LRRC40: variants seen among roughly 807,000 people sequenced by gnomAD.
LRRC40 encodes the protein leucine-rich repeat-containing protein 40.
A neutral mutation model predicts 72.8 loss-of-function variants in LRRC40; 76 were observed. That is an observed-to-expected ratio of 1.04 (90% CI 0.87 to 1.26). The LOEUF (loss-of-function observed/expected upper bound fraction) is 1.26. Ranked by LOEUF, LRRC40 falls within the 50% of genes most tolerant of loss-of-function variation. The probability of loss-of-function intolerance (pLI) is 0.00; values close to 1 mark genes in which losing one functional copy is unlikely to be tolerated. For missense variants in LRRC40, 684 were observed against 698.9 expected (o/e 0.98, Z 0.24); for synonymous variants, 243 against 254.2 (o/e 0.96, Z 0.42).
At chr1:70,199,931 T>C (rs1025057819) in intron 1 of LRRC40, among the ~76,000 whole-genome samples, 2 of 152,236 alleles carry the variant, frequency 1.3e-5, no homozygotes, top group East Asian at 3.9e-4. Context: ...CCTCAAGACT[T>C]ACTCTACCCA....
chr1:70,160,815 A>G (rs998064704), intron 9 of LRRC40, among the ~76,000 whole-genome samples: 1 of 152,048 alleles, frequency 6.6e-6, no homozygotes. Context: ...TTTTTTAACC[A>G]TGTGCATTTA....
chr1:70,185,216 T>A (rs1324254762), intron 3 of LRRC40, among the ~76,000 whole-genome samples: 2 of 152,234 alleles, frequency 1.3e-5, no homozygotes, highest in Non-Finnish European at 2.9e-5. Context: ...ACATGCAATG[T>A]GATAGGACAT....
At chr1:70,160,064 C>A (rs1667723570) in intron 9 of LRRC40, among the ~76,000 whole-genome samples, 1 of 152,120 alleles carries the variant, frequency 6.6e-6, no homozygotes, top group Non-Finnish European at 1.5e-5. Flanking sequence ...TTAACACTGT[C>A]ATCATATGGT....
At chr1:70,151,987 AC>A (rs1179155027) in intron 12 of LRRC40, 1 of 152,696 alleles carries the variant, frequency 6.5e-6, no homozygotes, top group Non-Finnish European at 1.5e-5. Context: ...GTAAAGTCAT[AC>A]TTTCTACAGT....
chr1:70,145,839 A>T lies in LRRC40; in HGVS notation c.1770T>A (p.Ala590=), dbSNP rs1571421795. 1.9e-6 allele frequency: 3 copies of T among 1,610,374 alleles called. No individual in the cohort carries two copies. The African/African-American group carries it at 4.0e-5, about 21-fold the overall frequency. The change falls in exon 15 of 15, where the codon GCT becomes GCA. Residue 590 remains alanine (A), a synonymous_variant. Transcript: ENST00000370952. ...PRAAILMKGT[A]AILEYLRDRI... is the part of the protein sequence containing the mutation. ...GGTCTCTCAAATATTCAAGTATAGC[A>T]GCTGTTCCTTTCATTAATATGGCTG...
At chr1:70,195,882 T>C (rs59234513) in intron 1 of LRRC40, among the ~76,000 whole-genome samples, 16,225 of 152,172 alleles carry the variant, frequency 0.11, 1,010 homozygotes, top group East Asian at 0.3. Flanking sequence ...GTGATCCACC[T>C]GCCTCGGCCT....
chr1:70,180,057 A>G (rs532883231), intron 5 of LRRC40: 21 of 149,814 alleles, frequency 1.4e-4, no homozygotes, highest in African/African-American at 3.7e-4. Flanking sequence ...AAATGATCAG[A>G]AAAAAAAAAG....
intron 14 of LRRC40, among the ~76,000 whole-genome samples, chr1:70,147,387 C>T (rs1249096450): frequency 1.3e-5 from 2 of 151,790 alleles, no homozygotes; most frequent in African/African-American, 2.4e-5. Context: ...ATGTGGATTA[C>T]GAAAAAAATA....
At chr1:70,204,528 G>A (rs1052873853) in intron 1 of LRRC40, among the ~76,000 whole-genome samples, 5 of 152,076 alleles carry the variant, frequency 3.3e-5, no homozygotes, top group African/African-American at 4.8e-5. Context: ...ACTCTTTTAG[G>A]TGGAGTAAGG....
At chr1:70,183,184 T>C in intron 4 of LRRC40, among the ~76,000 whole-genome samples, 1 of 152,196 alleles carries the variant, frequency 6.6e-6, no homozygotes, top group East Asian at 1.9e-4. Flanking sequence ...AAGGAGGATG[T>C]ACACACAGCA....
Position 70,205,373 on chromosome 1 carries a change from G to T in LRRC40, c.151+17C>A. On this transcript the variant is annotated intron_variant, in intron 1 of 14. Coordinates refer to ENST00000370952, the MANE Select transcript of LRRC40 (RefSeq NM_017768.5). The stretch of plus-strand genomic sequence containing the variant: ...TTCTGACAGGAGACACAATAGGGTC[G>T]TACCTCTGGGTCTTACCTTCACTGA... The T allele has an allele frequency of 6.4e-7, 1 of 1,563,494 alleles. No individual in the cohort carries two copies. Among genetic ancestry groups the T allele is most frequent in the Non-Finnish European group, 8.7e-7 (1 of 1,143,108 alleles).
In LRRC40 at chr1:70,187,288, T is replaced by G. The variant is rs1392127685; in HGVS notation, c.384A>C (p.Glu128Asp). ...ACCTGACATTAAGTTTCTGAAGATT[T>G]TCTAGCTCTCTTATAGCAGAAGGAA... Reference protein sequence around the residue: ...TSLPSAIRELENLQKLNVSHN... With the variant: ...TSLPSAIRELDNLQKLNVSHN... Residue 128 changes from glutamate to aspartate, a missense_variant, in exon 3 of 15, where the codon GAA (glutamate) becomes GAC (aspartate). By Grantham distance (45) the Glu-to-Asp change is conservative. Coordinates refer to ENST00000370952, the MANE Select transcript of LRRC40 (RefSeq NM_017768.5). The G allele has an allele frequency of 6.3e-7, 1 of 1,586,344 alleles. No homozygotes were observed. The highest frequency in any genetic ancestry group is 8.6e-7 in the Non-Finnish European group (1 of 1,157,346).
chr1:70,183,407 G>GAA (rs991475252), intron 4 of LRRC40, among the ~76,000 whole-genome samples: 7 of 142,076 alleles, frequency 4.9e-5, no homozygotes, highest in Middle Eastern at 3.6e-3. Context: ...TGGTAAAATG[G>GAA]AAAAAAAAAA....
intron 1 of LRRC40, among the ~76,000 whole-genome samples, chr1:70,194,208 T>C (rs966043545): frequency 1.3e-5 from 2 of 152,006 alleles, no homozygotes; most frequent in Admixed American, 1.3e-4. Context: ...CTAAGGAATC[T>C]ACAAAAAAAT....
Position 70,205,558 on chromosome 1 carries a change from C to A in LRRC40, c.-18G>T. 6.4e-7 allele frequency: 1 copy of A among 1,573,986 alleles called. No homozygotes were observed. Among genetic ancestry groups the A allele is most frequent in the Non-Finnish European group, 8.7e-7 (1 of 1,149,760 alleles). On this transcript the variant is annotated 5_prime_UTR_variant, in exon 1 of 15. Transcript: ENST00000370952. ...CGCGACATGTTCAAAGTCCTAGGTC[C>A]AGAAGCTGCAGCCCCACCCGTGACG...
At chr1:70,149,711 C>T (rs1025583929) in intron 13 of LRRC40, among the ~76,000 whole-genome samples, 84 of 152,048 alleles carry the variant, frequency 5.5e-4, no homozygotes, top group African/African-American at 2.0e-3. Context: ...AATCTATATA[C>T]TAGAAAGGAC....
intron 1 of LRRC40, among the ~76,000 whole-genome samples, chr1:70,191,031 A>G (rs1668489444): frequency 6.6e-6 from 1 of 152,174 alleles, no homozygotes; most frequent in Non-Finnish European, 1.5e-5. Context: ...AAAGGAGATC[A>G]GCCAAGCAAC....
intron 9 of LRRC40, among the ~76,000 whole-genome samples, chr1:70,167,642 T>A (rs189504043): frequency 6.6e-6 from 1 of 152,288 alleles, no homozygotes; most frequent in Admixed American, 6.5e-5. Context: ...AGATGGAGTC[T>A]TGCTCTGAGT....
intron 14 of LRRC40, chr1:70,147,202 C>A (rs1488947073): frequency 6.6e-6 from 1 of 152,182 alleles, no homozygotes; most frequent in Non-Finnish European, 1.5e-5. Flanking sequence ...CCAGGTGAGA[C>A]TGAACAAGGT....
Sources: allele counts gnomAD v4.1 joint callset (sites outside exome capture counted in the v4.1 genomes callset), GRCh38; gene constraint gnomAD v4.1.1; transcripts MANE v1.5; gene names NCBI Gene and HGNC (gene_info 2026-07-23, HGNC 2026-07-21).